The following FBXL17 variants were observed in gnomAD, a reference collection of about 807,000 sequenced individuals.
FBXL17 encodes the protein F-box and leucine rich repeat protein 17.
In FBXL17, 22 loss-of-function variants were observed where a neutral mutation model predicts 66.2. The ratio of observed to expected loss-of-function variants is 0.33; its 90% CI spans 0.24 to 0.47. FBXL17 has a LOEUF of 0.47. Ranked by LOEUF, FBXL17 falls within the 20% of genes least tolerant of loss-of-function variation. The pLI, the probability that FBXL17 is intolerant of heterozygous loss-of-function variation, is 1.00. For synonymous variants in FBXL17, 474 were observed against 400.5 expected, an observed-to-expected ratio of 1.18 and a Z score of -2.19; for missense variants, 878 against 948.2, an observed-to-expected ratio of 0.93 and a Z score of 0.97.
intron 7 of FBXL17, among the ~76,000 whole-genome samples, chr5:107,997,888 A>T (rs970971411): frequency 7.9e-5 from 12 of 152,214 alleles, no homozygotes; most frequent in Non-Finnish European, 1.6e-4. Flanking sequence ...CAAAGAAGGA[A>T]ACTAAAGTCC....
intron 4 of FBXL17, among the ~76,000 whole-genome samples, chr5:108,316,837 A>G (rs565467201): frequency 6.6e-6 from 1 of 151,390 alleles, no homozygotes; most frequent in East Asian, 1.9e-4. Context: ...ACTAAATCAC[A>G]TCAAAGTATT....
intron 5 of FBXL17, among the ~76,000 whole-genome samples, chr5:108,195,320 G>A (rs1032707267): frequency 1.3e-5 from 2 of 152,092 alleles, no homozygotes; most frequent in African/African-American, 2.4e-5. Flanking sequence ...TGATATTTGC[G>A]CAAAGATTTA....
chr5:108,345,428 C>T lies in FBXL17; in HGVS notation c.1506+2971G>A, dbSNP rs143002245. 1.7e-3 allele frequency among the ~76,000 whole-genome samples: 255 copies of T among 151,910 alleles called. 1 individual carries two copies. The highest frequency in any genetic ancestry group is 6.0e-3 in the African/African-American group (247 of 41,420). ...CATTTATGGCAAATCATTGTCCTCACTTTCCACATGAATAAAACTTCTCCC... is the reference window on the plus strand; with the variant it reads ...CATTTATGGCAAATCATTGTCCTCATTTTCCACATGAATAAAACTTCTCCC... On this transcript the variant is annotated intron_variant, in intron 4 of 8. Coordinates refer to ENST00000542267, the MANE Select transcript of FBXL17 (RefSeq NM_001163315.3).
chr5:108,285,779 C>T (rs1757875286), intron 4 of FBXL17, among the ~76,000 whole-genome samples: 1 of 150,960 alleles, frequency 6.6e-6, no homozygotes, highest in African/African-American at 2.4e-5. Context: ...TTTACAATAA[C>T]CATAACATAT....
chr5:108,048,368 T>G (rs909100435), intron 6 of FBXL17, among the ~76,000 whole-genome samples: 2 of 152,156 alleles, frequency 1.3e-5, no homozygotes, highest in African/African-American at 4.8e-5. Context: ...GAAAAAATGC[T>G]GAAAACCCAA....
At chr5:108,161,161 G>GATATATACATAC (rs376656671) in intron 6 of FBXL17, among the ~76,000 whole-genome samples, 2 of 149,202 alleles carry the variant, frequency 1.3e-5, no homozygotes, top group Non-Finnish European at 3.0e-5. Flanking sequence ...TCAACAAATA[G>GATATATACATAC]ATACATACAT....
intron 3 of FBXL17, among the ~76,000 whole-genome samples, chr5:108,352,494 G>C (rs2112498606): frequency 6.6e-6 from 1 of 152,240 alleles, no homozygotes; most frequent in South Asian, 2.1e-4. Context: ...CATAGAAATA[G>C]AATACAATTC....
At chr5:108,000,662 C>A (rs1753687371) in intron 7 of FBXL17, among the ~76,000 whole-genome samples, 1 of 152,092 alleles carries the variant, frequency 6.6e-6, no homozygotes, top group African/African-American at 2.4e-5. Context: ...ATAGATATGC[C>A]AGAATCTCAA....
chr5:108,281,368 C>T (rs1757694960), intron 4 of FBXL17, among the ~76,000 whole-genome samples: 1 of 151,774 alleles, frequency 6.6e-6, no homozygotes, highest in South Asian at 2.1e-4. Flanking sequence ...AAGGTCAAAT[C>T]AATACCAAGA....
intron 5 of FBXL17, among the ~76,000 whole-genome samples, chr5:108,220,629 C>T (rs1754820957): frequency 6.6e-6 from 1 of 151,992 alleles, no homozygotes; most frequent in African/African-American, 2.4e-5. Context: ...TCTTTTAATT[C>T]ATTGCAGAAT....
intron 1 of FBXL17, among the ~76,000 whole-genome samples, chr5:108,370,313 T>A (rs542703499): frequency 1.7e-4 from 26 of 152,194 alleles, no homozygotes; most frequent in Admixed American, 5.9e-4. Context: ...CTAAAATGAC[T>A]TACCTCTATA....
chr5:107,869,126 G>C (rs1454017530), intron 8 of FBXL17, among the ~76,000 whole-genome samples: 1 of 152,188 alleles, frequency 6.6e-6, no homozygotes, highest in African/African-American at 2.4e-5. Flanking sequence ...CAGGGCTTGG[G>C]ACTTCACACT....
chr5:108,180,778 G>A (rs1002313922), intron 6 of FBXL17, among the ~76,000 whole-genome samples: 1 of 152,000 alleles, frequency 6.6e-6, no homozygotes, highest in East Asian at 1.9e-4. Flanking sequence ...GCTACCGGAT[G>A]TTAGATAATC....
intron 6 of FBXL17, among the ~76,000 whole-genome samples, chr5:108,183,946 ACATACC>A (rs1442409956): frequency 2.6e-5 from 4 of 152,216 alleles, no homozygotes; most frequent in Non-Finnish European, 5.9e-5. Flanking sequence ...AATGGTGATC[ACATACC>A]CATTCTAGAG....
chr5:107,891,028 T>C (rs1749181826), intron 7 of FBXL17, among the ~76,000 whole-genome samples: 1 of 152,170 alleles, frequency 6.6e-6, no homozygotes, highest in African/African-American at 2.4e-5. Flanking sequence ...CAGATGGCAA[T>C]AATTCTTTGG....
intron 6 of FBXL17, among the ~76,000 whole-genome samples, chr5:108,081,710 G>A (rs1228316220): frequency 1.3e-5 from 2 of 152,076 alleles, no homozygotes; most frequent in Non-Finnish European, 2.9e-5. Flanking sequence ...GCGACAGAGT[G>A]AGACTCTGTC....
chr5:108,193,530 G>A (rs1423984898), intron 5 of FBXL17, among the ~76,000 whole-genome samples: 1 of 152,154 alleles, frequency 6.6e-6, no homozygotes, highest in Non-Finnish European at 1.5e-5. Context: ...TCTACACTTA[G>A]AGAAGGACTT....
At chr5:108,355,015 A>G (rs1350179909) in intron 3 of FBXL17, among the ~76,000 whole-genome samples, 1 of 152,054 alleles carries the variant, frequency 6.6e-6, no homozygotes, top group Non-Finnish European at 1.5e-5. Context: ...GCAAGAAACG[A>G]TAAAAGAAGT....
chr5:108,243,152 T>A (rs535583465), intron 4 of FBXL17, among the ~76,000 whole-genome samples: 2 of 152,286 alleles, frequency 1.3e-5, no homozygotes, highest in East Asian at 3.9e-4. Context: ...AAGTTATGTG[T>A]TAAAGTATTG....
Sources: gnomAD v4.1 joint callset for allele counts (sites outside exome capture counted in the v4.1 genomes callset) on GRCh38, gnomAD v4.1.1 for gene constraint, MANE v1.5 for transcripts, NCBI Gene and HGNC (gene_info 2026-07-23, HGNC 2026-07-21) for gene names.